CFAP65: variants seen among roughly 807,000 people sequenced by gnomAD.
CFAP65 encodes the protein cilia and flagella associated protein 65.
In CFAP65, 155 loss-of-function variants were observed where a neutral mutation model predicts 208.0. The observed-to-expected ratio is 0.75, with a 90% CI of 0.65 to 0.85. CFAP65 has a LOEUF of 0.85. Ranked by LOEUF, CFAP65 falls within the 40% of genes least tolerant of loss-of-function variation. CFAP65 has a pLI of 0.00. For missense variants in CFAP65, 2,294 were observed against 2,451.3 expected, an observed-to-expected ratio of 0.94 and a Z score of 1.36; for synonymous variants, 970 against 986.3, an observed-to-expected ratio of 0.98 and a Z score of 0.31.
At chr2:219,039,131 C>A in intron 2 of CFAP65, 81 bp from the exon 3 acceptor site, 1 of 1,239,324 alleles carries the variant, frequency 8.1e-7, no homozygotes, top group South Asian at 1.5e-5. Context: ...AAATCATATG[C>A]AAATATATGT....
chr2:219,028,774 G>T (rs920469990), intron 11 of CFAP65, among the ~76,000 whole-genome samples: 1 of 152,128 alleles, frequency 6.6e-6, no homozygotes, highest in African/African-American at 2.4e-5. Context: ...CTCCCTCTGG[G>T]CTTCTGTTCT....
Position 219,030,143 on chromosome 2 carries a change from G to A in CFAP65, c.1227C>T (p.Cys409=), listed in dbSNP as rs904044963. The A allele has an allele frequency of 6.2e-7, 1 of 1,614,158 alleles. No individual in the cohort carries two copies. The highest frequency in any genetic ancestry group is 1.1e-5 in the South Asian group (1 of 91,086). Residue 409 remains cysteine, a synonymous_variant, in exon 10 of 35, where the codon TGC becomes TGT. Coordinates refer to ENST00000341552, the MANE Select transcript of CFAP65 (RefSeq NM_194302.4). ...GAAGCACGATGCCATGGGCCGTGGG[G>A]CATGAGAAGGCCTGGTCTTCGGCCA... ...DELAEDQAFS[C]PTAHGIVLPG...
At chr2:219,030,627 G>T in intron 9 of CFAP65, 62 bp downstream of exon 9, 2 of 1,583,016 alleles carry the variant, frequency 1.3e-6, no homozygotes, top group South Asian at 1.1e-5. Flanking sequence ...GCAAGGCGGT[G>T]ATTTTAGGAA....
At position 219,014,149 on chromosome 2, in the gene CFAP65, C is replaced by T. The variant is rs984200321; in HGVS notation, c.3603-105G>A. The T allele has an allele frequency of 3.8e-5, 37 of 985,942 alleles. No individual in the cohort carries two copies. In the East Asian group the frequency reaches 4.8e-4, roughly 13 times the overall value. The allele number at this position is 985,942 out of a possible 1,614,324, so 61.1% of individuals were successfully genotyped here. Reference sequence around the variant, plus strand: ...AGGTGGAGGCTTCTTCCATGACTCCCGCACTTCATGCACCCATTTGGCAAA... The same window carrying T: ...AGGTGGAGGCTTCTTCCATGACTCCTGCACTTCATGCACCCATTTGGCAAA... On this transcript the variant is annotated intron_variant, in intron 21 of 34. Coordinates refer to ENST00000341552, the MANE Select transcript of CFAP65 (RefSeq NM_194302.4).
At position 219,026,075 on chromosome 2, in the gene CFAP65, AGCTGTG is replaced by A. The variant is rs1422659297; in HGVS notation, c.2290_2295del (p.His764_Ser765del). Reference sequence around the variant, plus strand: ...ATGTGGTGCTCAAAGCCAGCGAAATAGCTGTGGCCTCGTGCCCGCACCGTCAGGCAC... The same window carrying A: ...ATGTGGTGCTCAAAGCCAGCGAAATAGCCTCGTGCCCGCACCGTCAGGCAC... On this transcript the variant is annotated inframe_deletion, in exon 14 of 35. Transcript: ENST00000341552. 1 of 1,614,122 alleles carries A rather than the reference AGCTGTG, an allele frequency of 6.2e-7. No homozygotes were observed. Among genetic ancestry groups the A allele is most frequent in the East Asian group, 2.2e-5 (1 of 44,886 alleles).
Position 219,023,204 on chromosome 2 carries a change from C to T in CFAP65, c.2820+3G>A. On this transcript the variant is annotated splice_donor_region_variant and intron_variant, in intron 16 of 34. Transcript: ENST00000341552. The stretch of plus-strand genomic sequence containing the variant: ...GTCACTCGGCAGGAGGGGAGCCACT[C>T]ACAAGTCTCTCGTTGGGCTGGATTA... 2.5e-6 allele frequency: 4 copies of T among 1,610,580 alleles called. No individual in the cohort carries two copies. The highest frequency in any genetic ancestry group is 3.4e-6 in the Non-Finnish European group (4 of 1,179,284).
At chr2:219,006,960 CT>C (rs1300049004) in intron 29 of CFAP65, among the ~76,000 whole-genome samples, 1 of 151,954 alleles carries the variant, frequency 6.6e-6, no homozygotes, top group South Asian at 2.1e-4. Flanking sequence ...TAGAGAAGTG[CT>C]GCCTGCAGAC....
chr2:219,019,537 C>T lies in CFAP65; in HGVS notation c.3442G>A (p.Glu1148Lys). The part of the protein sequence containing the change: ...SYLERDPTPC[E>K]LTYKVPTRHS... Reference sequence around the variant, plus strand: ...CGGGTGGGCACCTTGTAGGTGAGCTCACAGGGGGTGGGGTCACGCTCCAAG... The same window carrying T: ...CGGGTGGGCACCTTGTAGGTGAGCTTACAGGGGGTGGGGTCACGCTCCAAG... Residue 1148 changes from glutamate to lysine, a missense_variant, in exon 20 of 35, where the codon GAG (glutamate) becomes AAG (lysine). This residue lies in a region of CFAP65 where 1,427 missense variants were observed against 1,438.7 expected (regional missense o/e 0.99). Transcript: ENST00000341552. 6.2e-7 allele frequency: 1 copy of T among 1,613,084 alleles called. No individual in the cohort carries two copies. Among genetic ancestry groups the T allele is most frequent in the Non-Finnish European group, 8.5e-7 (1 of 1,180,012 alleles).
chr2:219,027,681 G>C lies in CFAP65; in HGVS notation c.2180C>G (p.Thr727Arg). ...GATGGCGAAGGCTTCGAGCTCCACC[G>C]TGTAAAGGCAGTTGGGGTGAGGCGG... ...FQPPHPNCLY[T>R]VELEAFAIYK... The change falls in exon 13 of 35, where the codon ACG becomes AGG. Residue 727 changes from threonine to arginine, a missense_variant. Thr to Arg is a moderately conservative substitution (Grantham distance 71, BLOSUM62 -1). Around this residue, in one of 2 missense-constraint regions of CFAP65, gnomAD observed 867 missense variants for 1,012.6 expected, o/e 0.86. Coordinates refer to ENST00000341552, the MANE Select transcript of CFAP65 (RefSeq NM_194302.4). The C allele has an allele frequency of 6.2e-7, 1 of 1,614,044 alleles. No homozygotes were observed. The highest frequency in any genetic ancestry group is 1.1e-5 in the South Asian group (1 of 91,080).
intron 19 of CFAP65, 74 bp from the exon 20 acceptor site, chr2:219,019,793 G>T: frequency 6.2e-6 from 8 of 1,297,478 alleles, no homozygotes; most frequent in Admixed American, 1.9e-5. Flanking sequence ...CAGGCCAAAG[G>T]TGCAGGAGTC....
intron 21 of CFAP65, among the ~76,000 whole-genome samples, chr2:219,017,981 C>T (rs1947017966): frequency 6.6e-6 from 1 of 152,156 alleles, no homozygotes; most frequent in South Asian, 2.1e-4. Flanking sequence ...GAGCCAGTTT[C>T]CCCATCTTCC....
chr2:219,007,731 C>T (rs950488866), intron 29 of CFAP65, among the ~76,000 whole-genome samples: 3 of 152,172 alleles, frequency 2.0e-5, no homozygotes, highest in Non-Finnish European at 4.4e-5. Flanking sequence ...CTGTTCTAGG[C>T]ACTTCACTGG....
At position 219,026,026 on chromosome 2, in the gene CFAP65, G is replaced by C. The variant is rs774736723; in HGVS notation, c.2345C>G (p.Pro782Arg). Residue 782 changes from proline to arginine, a missense_variant, in exon 14 of 35, where the codon CCC becomes CGC. Physicochemically the swap from Pro to Arg is moderately radical, Grantham distance 103 (BLOSUM62 -2). This residue lies in a region of CFAP65 where 1,427 missense variants were observed against 1,438.7 expected (regional missense o/e 0.99). Coordinates refer to ENST00000341552, the MANE Select transcript of CFAP65 (RefSeq NM_194302.4). ...HHIPQYSLDVPKLFPAVSSGE... is the reference protein window; with the variant it reads ...HHIPQYSLDVRKLFPAVSSGE... ...TGCTGTTGGGGCCACGCTTACCTTGGGGACATCTAGGGAATACTGGGGGAT... is the reference window on the plus strand; with the variant it reads ...TGCTGTTGGGGCCACGCTTACCTTGCGGACATCTAGGGAATACTGGGGGAT... 3 of 1,613,658 alleles carry C rather than the reference G, an allele frequency of 1.9e-6. No homozygotes were observed. The highest frequency in any genetic ancestry group is 2.5e-6 in the Non-Finnish European group (3 of 1,179,766).
chr2:219,029,963 G>C, intron 10 of CFAP65, 23 bp downstream of exon 10: 1 of 1,607,880 alleles, frequency 6.2e-7, no homozygotes. Flanking sequence ...GTCCCCAGGG[G>C]AGGCCCCTGG....
chr2:219,004,379 A>G lies in CFAP65; in HGVS notation c.5128T>C (p.Phe1710Leu), dbSNP rs199601952. 2.1e-4 allele frequency: 331 copies of G among 1,614,088 alleles called. No homozygotes were observed. Among genetic ancestry groups the G allele is most frequent in the Non-Finnish European group, 4.0e-5 (47 of 1,180,026 alleles). ...LVEQVPYFRQ[F>L]WNEQSTKFMD... ...AACTTAGTTGACTGCTCATTCCAGA[A>G]TTGGCGGAAGTACGGCACCTGCTCC... Residue 1710 changes from phenylalanine to leucine, a missense_variant, in exon 33 of 35, where the codon TTC becomes CTC. Phe to Leu is a conservative substitution (Grantham distance 22). Around this residue, in one of 2 missense-constraint regions of CFAP65, gnomAD observed 1,427 missense variants for 1,438.7 expected, o/e 0.99. Transcript: ENST00000341552. This position sits in a 1 kb window ranked among gnomAD's most constrained non-coding sequence, Gnocchi z 4.7.
At position 219,029,628 on chromosome 2, in the gene CFAP65, G is replaced by T; in HGVS notation, c.1425C>A (p.Ser475Arg). Residue 475 changes from serine to arginine, a missense_variant, in exon 11 of 35, where the codon AGC becomes AGA. Transcript: ENST00000341552. ...CGGAGCGCTCCCCAAGGTTGACCCA[G>T]CTGAAGTTGACACAGTAGTGCTGCA... ...VSLQHYCVNF[S>R]WVNLGERSEQ... The T allele has an allele frequency of 6.2e-7, 1 of 1,614,142 alleles. No individual in the cohort carries two copies. Among genetic ancestry groups the T allele is most frequent in the Non-Finnish European group, 8.5e-7 (1 of 1,180,010 alleles).
rs112815763 is a variant in CFAP65 at position 219,019,925 on chromosome 2, C to T, written c.3260-206G>A. Among the ~76,000 whole-genome samples, 234 of 152,282 alleles carry T rather than the reference C, an allele frequency of 1.5e-3. 1 individual carries two copies. The highest frequency in any genetic ancestry group is 5.4e-3 in the African/African-American group (225 of 41,550). ...TGTGTACTGGGCATTGTCCTCAGTG[C>T]CTTATACACATGCCTGCACTTAATG... On this transcript the variant is annotated intron_variant, in intron 19 of 34. Coordinates refer to ENST00000341552, the MANE Select transcript of CFAP65 (RefSeq NM_194302.4).
At chr2:219,041,058 AAG>A (rs1429294344) in intron 1 of CFAP65, among the ~76,000 whole-genome samples, 1 of 152,238 alleles carries the variant, frequency 6.6e-6, no homozygotes, top group Non-Finnish European at 1.5e-5. Context: ...AGTCGTTGTG[AAG>A]AGACTGGGCA....
chr2:219,004,102 CTCTCCTCCTCCT>C lies in CFAP65; in HGVS notation c.5393_5404del (p.Lys1798_Glu1801del). The C allele has an allele frequency of 6.2e-7, 1 of 1,613,790 alleles. No individual in the cohort carries two copies. The highest frequency in any genetic ancestry group is 1.1e-5 in the South Asian group (1 of 91,076). ...GCTCACTTTCTCTTCCTTCTCATCCCTCTCCTCCTCCTTCTCCTCTATCTCCTCCTTGCCCAA... is the reference window on the plus strand; with the variant it reads ...GCTCACTTTCTCTTCCTTCTCATCCCTCTCCTCTATCTCCTCCTTGCCCAA... On this transcript the variant is annotated inframe_deletion, in exon 33 of 35. Transcript: ENST00000341552. The surrounding 1 kb of genome is among the most constrained non-coding windows in gnomAD (Gnocchi z 4.7).
Sources: gnomAD v4.1 joint callset for allele counts (sites outside exome capture counted in the v4.1 genomes callset) on GRCh38, gnomAD v4.1.1 for gene constraint, gnomAD v4.1.1 regional missense constraint, Gnocchi (gnomAD v3.1) non-coding constraint, MANE v1.5 for transcripts, NCBI Gene and HGNC (gene_info 2026-07-23, HGNC 2026-07-21) for gene names.